GNAS-AS1: variants seen among roughly 807,000 people sequenced by gnomAD.
The protein encoded by GNAS-AS1 is GNAS antisense RNA 1, also known as GNAS antisense RNA 1 (non-protein coding).
chr20:58,821,510 T>C (rs1274632811), intron 4 of GNAS-AS1, among the ~76,000 whole-genome samples: 1 of 152,230 alleles, frequency 6.6e-6, no homozygotes, highest in African/African-American at 2.4e-5. Context: ...ATGTTTGCTA[T>C]GAAGAGTAAA....
intron 4 of GNAS-AS1, chr20:58,836,535 A>T (rs768455879): frequency 6.6e-6 from 1 of 152,228 alleles, no homozygotes; most frequent in Non-Finnish European, 1.5e-5. Flanking sequence ...GCCTCCCTCC[A>T]GCAGAGACCC....
chr20:58,829,882 T>G (rs924720889), intron 4 of GNAS-AS1, among the ~76,000 whole-genome samples: 1 of 152,154 alleles, frequency 6.6e-6, no homozygotes, highest in African/African-American at 2.4e-5. Context: ...TCCCCCTCAC[T>G]GCATGCATTC....
chr20:58,835,767 G>A (rs780845012), intron 4 of GNAS-AS1, among the ~76,000 whole-genome samples: 17 of 152,236 alleles, frequency 1.1e-4, no homozygotes, highest in Non-Finnish European at 1.8e-4. Context: ...GATCATAGAA[G>A]TGGCTCAATT....
chr20:58,825,323 C>T (rs1217025070), intron 4 of GNAS-AS1, among the ~76,000 whole-genome samples: 2 of 152,298 alleles, frequency 1.3e-5, no homozygotes, highest in South Asian at 4.1e-4. Flanking sequence ...GACCATCTCT[C>T]ACCATCTCTC....
chr20:58,833,328 C>A (rs111339190), intron 4 of GNAS-AS1, among the ~76,000 whole-genome samples: 3 of 152,292 alleles, frequency 2.0e-5, no homozygotes, highest in African/African-American at 7.2e-5. Flanking sequence ...GGGAAGGACT[C>A]CCAATTTATG....
chr20:58,824,591 TA>T (rs1262900190), intron 4 of GNAS-AS1, among the ~76,000 whole-genome samples: 1 of 152,112 alleles, frequency 6.6e-6, no homozygotes, highest in Non-Finnish European at 1.5e-5. Context: ...ATTTAGTATT[TA>T]AAAATACTAT....
chr20:58,829,983 T>C (rs2085543451), intron 4 of GNAS-AS1, among the ~76,000 whole-genome samples: 2 of 152,108 alleles, frequency 1.3e-5, no homozygotes, highest in Admixed American at 6.5e-5. Flanking sequence ...CTTCTAAGGC[T>C]TTCCATTAAG....
chr20:58,831,310 T>C (rs1017604186), intron 4 of GNAS-AS1, among the ~76,000 whole-genome samples: 1 of 151,890 alleles, frequency 6.6e-6, no homozygotes, highest in Non-Finnish European at 1.5e-5. Flanking sequence ...CACATCGGGT[T>C]GCCAGCTGTT....
rs554515182 is a variant in GNAS-AS1 at position 58,832,726 on chromosome 20, T to C, written n.819+9211A>G. On this transcript the variant is annotated intron_variant and non_coding_transcript_variant, in intron 4 of 4. Transcript: ENST00000424094. Reference sequence around the variant, plus strand: ...AGAGATGTCTTGCAAAACTCTCTTATCTCAGTTGTGGACAGGAAGCTTTTG... The same window carrying C: ...AGAGATGTCTTGCAAAACTCTCTTACCTCAGTTGTGGACAGGAAGCTTTTG... Among the ~76,000 whole-genome samples the C allele has an allele frequency of 2.0e-5, 3 of 152,372 alleles. No individual in the cohort carries two copies. The South Asian group carries it at 6.2e-4, about 32-fold the overall frequency.
intron 4 of GNAS-AS1, among the ~76,000 whole-genome samples, chr20:58,837,822 C>T (rs904753402): frequency 4.6e-5 from 7 of 152,196 alleles, no homozygotes; most frequent in Admixed American, 4.6e-4. Flanking sequence ...AAAGGAAAAC[C>T]TCAACACATC....
chr20:58,839,268 A>G (rs968370220), intron 4 of GNAS-AS1: 9 of 398,518 alleles, frequency 2.3e-5, no homozygotes, highest in Non-Finnish European at 4.0e-5. Context: ...CAGATCTGCT[A>G]AAGGTAGTTT....
At chr20:58,824,328 T>C (rs2085505931) in intron 4 of GNAS-AS1, among the ~76,000 whole-genome samples, 1 of 152,222 alleles carries the variant, frequency 6.6e-6, no homozygotes, top group Non-Finnish European at 1.5e-5. Flanking sequence ...AGTTTAAAAA[T>C]ACACATGTGA....
chr20:58,821,105 T>A (rs1031196669), intron 4 of GNAS-AS1, among the ~76,000 whole-genome samples: 23 of 152,216 alleles, frequency 1.5e-4, no homozygotes, highest in African/African-American at 5.1e-4. Flanking sequence ...GCACTTGCAA[T>A]CAGACCCCAG....
At chr20:58,842,472 G>A (rs1426552621) in exon 3 of GNAS-AS1, 2 of 398,542 alleles carry the variant, frequency 5.0e-6, no homozygotes, top group African/African-American at 2.1e-5. Context: ...CCGTAGGAAA[G>A]GCGTCGCGGC....
At chr20:58,842,458 T>C in exon 3 of GNAS-AS1, 1 of 398,654 alleles carries the variant, frequency 2.5e-6, no homozygotes, top group Non-Finnish European at 4.4e-6. Flanking sequence ...TTCCAGGACC[T>C]ATTCCGTAGG....
Position 58,831,305 on chromosome 20 carries a change from C to T in GNAS-AS1, n.819+10632G>A, listed in dbSNP as rs1173131408. ...CAAAAGAAATGTGTGGCACTCACAT[C>T]GGGTTGCCAGCTGTTTTGCTTTTTT... On this transcript the variant is annotated intron_variant and non_coding_transcript_variant, in intron 4 of 4. Transcript: ENST00000424094. 4.6e-5 allele frequency among the ~76,000 whole-genome samples: 7 copies of T among 152,074 alleles called. 1 individual carries two copies. In the South Asian group the frequency reaches 8.3e-4, roughly 18 times the overall value.
At chr20:58,842,466 A>AT (rs1210715866) in exon 3 of GNAS-AS1, 3 of 398,556 alleles carry the variant, frequency 7.5e-6, no homozygotes, top group Non-Finnish European at 1.3e-5. Context: ...CCTATTCCGT[A>AT]GGAAAGGCGT....
At position 58,840,786 on chromosome 20, in the gene GNAS-AS1, G is replaced by C; in HGVS notation, n.819+1151C>G. ...TGCAAGCCAAAGAAGCCCACCCGCC[G>C]TGACGCGTCCCCGGAGTCCCCTTCC... On this transcript the variant is annotated intron_variant and non_coding_transcript_variant, in intron 4 of 4. Coordinates refer to ENST00000424094, the Ensembl canonical transcript of GNAS-AS1. The surrounding 1 kb of genome is among the most constrained non-coding windows in gnomAD (Gnocchi z 6.0). The C allele has an allele frequency of 6.2e-7, 1 of 1,611,578 alleles. No individual in the cohort carries two copies. The highest frequency in any genetic ancestry group is 8.5e-7 in the Non-Finnish European group (1 of 1,179,932).
chr20:58,837,575 T>C (rs7347302), intron 4 of GNAS-AS1, among the ~76,000 whole-genome samples: 1 of 152,238 alleles, frequency 6.6e-6, no homozygotes, highest in Non-Finnish European at 1.5e-5. Flanking sequence ...CCCGAGTAGC[T>C]GGAACTACAA....
Sources: gnomAD v4.1 joint callset for allele counts (sites outside exome capture counted in the v4.1 genomes callset) on GRCh38, gnomAD v4.1.1 for gene constraint, Gnocchi (gnomAD v3.1) non-coding constraint, MANE v1.5 for transcripts, NCBI Gene and HGNC (gene_info 2026-07-23, HGNC 2026-07-21) for gene names.